Variants in SOAT2 observed in about 807,000 individuals in gnomAD.
The protein encoded by SOAT2 is sterol O-acyltransferase 2.
SOAT2 carries 87 observed loss-of-function variants against 76.0 expected under a neutral mutation model. The ratio of observed to expected loss-of-function variants is 1.14; its 90% CI spans 0.96 to 1.37. SOAT2 has a LOEUF of 1.37. Among genes scored for constraint, SOAT2 ranks in the 40% most tolerant of loss-of-function variants. The pLI, the probability that SOAT2 is intolerant of heterozygous loss-of-function variation, is 0.00. For missense variants in SOAT2, 686 were observed against 682.1 expected, an observed-to-expected ratio of 1.01 and a Z score of -0.06; for synonymous variants, 285 against 275.4, an observed-to-expected ratio of 1.03 and a Z score of -0.34.
intron 6 of SOAT2, 89 bp from the exon 7 acceptor site, chr12:53,116,008 C>A: frequency 2.6e-6 from 3 of 1,134,336 alleles, no homozygotes; most frequent in Non-Finnish European, 4.0e-6. Context: ...ACTCTGCCTG[C>A]CTCTCAGAGG....
chr12:53,120,639 A>G (rs899022632), intron 10 of SOAT2, 147 bp from the exon 11 acceptor site: 4 of 584,256 alleles, frequency 6.8e-6, no homozygotes, highest in South Asian at 2.0e-5. Context: ...AAAAAAAGGA[A>G]TGCATAAATT....
Position 53,119,109 on chromosome 12 carries a change from C to G in SOAT2, c.910-15C>G, listed in dbSNP as rs376107111. 1.2e-6 allele frequency: 2 copies of G among 1,613,728 alleles called. No homozygotes were observed. Among genetic ancestry groups the G allele is most frequent in the African/African-American group, 1.3e-5 (1 of 74,876 alleles). On this transcript the variant is annotated splice_polypyrimidine_tract_variant and intron_variant, in intron 9 of 14. Coordinates refer to ENST00000301466, the MANE Select transcript of SOAT2 (RefSeq NM_003578.4). ...AGCATCCCTCTCCAGTTATGTGTCC[C>G]CATGCCCCCTCCAGGCCCTGGGATG...
intron 8 of SOAT2, 48 bp downstream of exon 8, chr12:53,118,482 T>G: frequency 7.1e-7 from 1 of 1,407,300 alleles, no homozygotes; most frequent in South Asian, 1.1e-5. Flanking sequence ...ATCAGGAAAC[T>G]TACCCTTCTA....
At chr12:53,115,939 A>G (rs1938101004) in intron 6 of SOAT2, among the ~76,000 whole-genome samples, 158 bp from the exon 7 acceptor site, 1 of 152,232 alleles carries the variant, frequency 6.6e-6, no homozygotes. Context: ...AGCATATGTT[A>G]GGCTATACGG....
intron 2 of SOAT2, among the ~76,000 whole-genome samples, 166 bp from the exon 3 acceptor site, chr12:53,104,941 G>A (rs12230946): frequency 0.11 from 15,695 of 143,126 alleles, 914 homozygotes; most frequent in East Asian, 0.17. Context: ...CCTTCCCCCC[G>A]CAGGCCTGCC....
Position 53,104,206 on chromosome 12 carries a change from G to T in SOAT2, c.138G>T (p.Glu46Asp), listed in dbSNP as rs1937888903. The T allele has an allele frequency of 6.2e-7, 1 of 1,612,240 alleles. No individual in the cohort carries two copies. The highest frequency in any genetic ancestry group is 1.1e-5 in the South Asian group (1 of 91,044). The part of the protein sequence containing the change: ...PDLVQWTRHM[E>D]AVKAQLLEQA... Reference sequence around the variant, plus strand: ...TGGTACAATGGACCCGACACATGGAGGTGAGGGATGTCAGAGGTCAGAGGT... The same window carrying T: ...TGGTACAATGGACCCGACACATGGATGTGAGGGATGTCAGAGGTCAGAGGT... Residue 46 changes from glutamate (E) to aspartate (D), a missense_variant and splice_region_variant, in exon 2 of 15, where the codon GAG (glutamate) becomes GAT (aspartate). Coordinates refer to ENST00000301466, the MANE Select transcript of SOAT2 (RefSeq NM_003578.4).
At chr12:53,104,288 ACT>A in intron 2 of SOAT2, 82 bp downstream of exon 2, 5 of 750,402 alleles carry the variant, frequency 6.7e-6, no homozygotes, top group Non-Finnish European at 8.3e-6. Flanking sequence ...GATAAAGATG[ACT>A]TTTTTTTTTT....
chr12:53,107,622 C>CTTTTTTTTT (rs1303838303), intron 5 of SOAT2, among the ~76,000 whole-genome samples: 5 of 117,030 alleles, frequency 4.3e-5, no homozygotes, highest in African/African-American at 1.1e-4. Flanking sequence ...AACAGATGTA[C>CTTTTTTTTT]TTTTTTTTTT....
chr12:53,112,779 C>CTT (rs71095978), intron 5 of SOAT2, among the ~76,000 whole-genome samples: 9,336 of 125,650 alleles, frequency 0.074, 543 homozygotes, highest in East Asian at 0.15. Flanking sequence ...TTTTTCTTTC[C>CTT]TTTTTTTTTT....
Position 53,105,261 on chromosome 12 carries a change from C to A in SOAT2, c.275+18C>A. 1 of 1,596,148 alleles carries A rather than the reference C, an allele frequency of 6.3e-7. No individual in the cohort carries two copies. The highest frequency in any genetic ancestry group is 2.3e-5 in the East Asian group (1 of 43,962). On this transcript the variant is annotated intron_variant, in intron 3 of 14. Coordinates refer to ENST00000301466, the MANE Select transcript of SOAT2 (RefSeq NM_003578.4). ...TTGAGCAGGTGAGTCTGGGGAATGGCTGCGCGGGCTCCTCTGTAGCAAGGA... is the reference window on the plus strand; with the variant it reads ...TTGAGCAGGTGAGTCTGGGGAATGGATGCGCGGGCTCCTCTGTAGCAAGGA...
At chr12:53,113,504 C>A (rs1468349514) in intron 5 of SOAT2, among the ~76,000 whole-genome samples, 1 of 152,198 alleles carries the variant, frequency 6.6e-6, no homozygotes, top group Non-Finnish European at 1.5e-5. Context: ...CTGAACACAG[C>A]ACCATCCCGG....
At chr12:53,119,348 TCTC>T (rs1277327746) in intron 10 of SOAT2, 95 bp downstream of exon 10, 2 of 1,369,244 alleles carry the variant, frequency 1.5e-6, no homozygotes, top group Non-Finnish European at 2.0e-6. Flanking sequence ...TTCAACACGT[TCTC>T]CTTCTGAGTC....
intron 5 of SOAT2, among the ~76,000 whole-genome samples, chr12:53,108,336 G>A (rs1473793786): frequency 2.6e-5 from 4 of 152,150 alleles, no homozygotes; most frequent in South Asian, 4.1e-4. Context: ...AGTCAAGTTC[G>A]ATTCCTTAAA....
Position 53,105,636 on chromosome 12 carries a change from G to T in SOAT2, c.335+16G>T. On this transcript the variant is annotated intron_variant, in intron 4 of 14. Transcript: ENST00000301466. Reference sequence around the variant, plus strand: ...CCCTGCTTGAGTAAGTCGGGGTGATGACAAGTAATGGGAGGAAAAGAAAGG... The same window carrying T: ...CCCTGCTTGAGTAAGTCGGGGTGATTACAAGTAATGGGAGGAAAAGAAAGG... 6.2e-7 allele frequency: 1 copy of T among 1,603,862 alleles called. No individual in the cohort carries two copies. Among genetic ancestry groups the T allele is most frequent in the South Asian group, 1.1e-5 (1 of 89,716 alleles).
chr12:53,104,982 C>A (rs1413885851), intron 2 of SOAT2, 125 bp from the exon 3 acceptor site: 96 of 1,108,868 alleles, frequency 8.7e-5, no homozygotes, highest in Non-Finnish European at 6.2e-6. Context: ...GCTGACCCCC[C>A]AGGTTGTTTT....
At chr12:53,115,961 A>G in intron 6 of SOAT2, 136 bp from the exon 7 acceptor site, 1 of 803,104 alleles carries the variant, frequency 1.2e-6, no homozygotes, top group Non-Finnish European at 2.1e-6. Flanking sequence ...CATCCAACAA[A>G]AAGAAAAAGT....
chr12:53,114,893 A>G (rs1938078473), intron 5 of SOAT2, among the ~76,000 whole-genome samples: 1 of 152,208 alleles, frequency 6.6e-6, no homozygotes, highest in African/African-American at 2.4e-5. Flanking sequence ...ATGTTAGTCC[A>G]TTGGTTTGAA....
chr12:53,120,946 G>C (rs1477037052), intron 11 of SOAT2, 63 bp downstream of exon 11: 1 of 1,247,234 alleles, frequency 8.0e-7, no homozygotes, highest in African/African-American at 1.5e-5. Context: ...GGGATCTGGG[G>C]AAGATGGTAG....
chr12:53,115,027 A>G (rs1173505464), intron 5 of SOAT2, among the ~76,000 whole-genome samples: 1 of 152,192 alleles, frequency 6.6e-6, no homozygotes, highest in Admixed American at 6.5e-5. Flanking sequence ...CAAAACACTG[A>G]ACAACCGGCA....
Sources: gnomAD v4.1 joint callset for allele counts (sites outside exome capture counted in the v4.1 genomes callset) on GRCh38, gnomAD v4.1.1 for gene constraint, MANE v1.5 for transcripts, NCBI Gene and HGNC (gene_info 2026-07-23, HGNC 2026-07-21) for gene names.